The following BDP1 variants were observed in gnomAD, a reference collection of about 807,000 sequenced individuals.
BDP1 encodes BDP1 general transcription factor IIIB subunit.
In BDP1, 169 loss-of-function variants were observed where a neutral mutation model predicts 266.6. That is an observed-to-expected ratio of 0.63 (90% CI 0.56 to 0.72). The LOEUF (loss-of-function observed/expected upper bound fraction) is 0.72. Ranked by LOEUF, BDP1 falls within the 30% of genes least tolerant of loss-of-function variation. The pLI, the probability that BDP1 is intolerant of heterozygous loss-of-function variation, is 0.00. For missense variants in BDP1, 3,015 were observed against 3,053.8 expected, an observed-to-expected ratio of 0.99 and a Z score of 0.30; for synonymous variants, 1,090 against 1,022.4, an observed-to-expected ratio of 1.07 and a Z score of -1.26.
At chr5:71,522,970 A>T (rs1348384214) in intron 24 of BDP1, 21 bp downstream of exon 24, 3 of 1,536,702 alleles carry the variant, frequency 2.0e-6, no homozygotes, top group Non-Finnish European at 2.6e-6. Flanking sequence ...ATTTAACAAA[A>T]TGTTTCACAA....
intron 2 of BDP1, among the ~76,000 whole-genome samples, chr5:71,459,856 G>T (rs1485121038): frequency 6.6e-6 from 1 of 152,204 alleles, no homozygotes; most frequent in Non-Finnish European, 1.5e-5. Flanking sequence ...TGTTTTGAGT[G>T]CCAAAGTGAT....
intron 32 of BDP1, 110 bp downstream of exon 32, chr5:71,545,329 C>T: frequency 9.6e-7 from 1 of 1,036,980 alleles, no homozygotes; most frequent in Non-Finnish European, 1.4e-6. Context: ...CTTCATTTTT[C>T]TTTATTTCTT....
At chr5:71,462,990 GGGCATTGT>G (rs1761673888) in intron 3 of BDP1, among the ~76,000 whole-genome samples, 1 of 151,998 alleles carries the variant, frequency 6.6e-6, no homozygotes, top group East Asian at 1.9e-4. Context: ...AAAATTACCT[GGGCATTGT>G]GGCGCACAGG....
At chr5:71,521,756 A>G (rs1765507679) in intron 22 of BDP1, among the ~76,000 whole-genome samples, 1 of 152,204 alleles carries the variant, frequency 6.6e-6, no homozygotes, top group Non-Finnish European at 1.5e-5. Flanking sequence ...TTATATTGAG[A>G]ACCTTATGAC....
chr5:71,486,733 C>A, intron 9 of BDP1, 106 bp downstream of exon 9: 1 of 867,500 alleles, frequency 1.2e-6, no homozygotes, highest in Non-Finnish European at 1.7e-6. Flanking sequence ...TAGTTAAGAT[C>A]ATCAAAGCAT....
At chr5:71,544,288 T>G in intron 30 of BDP1, 69 bp from the exon 31 acceptor site, 3 of 1,420,078 alleles carry the variant, frequency 2.1e-6, no homozygotes, top group Non-Finnish European at 1.9e-6. Context: ...TAAGAGGGCA[T>G]ATGTTTCTAA....
intron 30 of BDP1, 98 bp downstream of exon 30, chr5:71,542,363 T>G (rs1431701828): frequency 3.7e-6 from 4 of 1,077,654 alleles, no homozygotes; most frequent in Non-Finnish European, 5.3e-6. Context: ...TGTTTTAACT[T>G]ACAATAAAAT....
chr5:71,479,705 C>G (rs1031760923), intron 7 of BDP1, among the ~76,000 whole-genome samples: 38 of 151,370 alleles, frequency 2.5e-4, no homozygotes, highest in African/African-American at 4.4e-4. Flanking sequence ...CACCACCACG[C>G]CCGGCTAATT....
rs1763560198 is a variant in BDP1 at position 71,491,052 on chromosome 5, A to G, written c.1561A>G (p.Thr521Ala). The change falls in exon 11 of 39, where the codon ACA (threonine) becomes GCA (alanine). Residue 521 changes from threonine to alanine, a missense_variant. Coordinates refer to ENST00000358731, the MANE Select transcript of BDP1 (RefSeq NM_018429.3). The stretch of plus-strand genomic sequence containing the variant: ...CAGTAAGGAGCAGATGCTTTCCTGC[A>G]CACAAAACATAGATGGCATTGTGGG... ...ECSKEQMLSC[T>A]QNIDGIVGFA... The G allele has an allele frequency of 1.2e-6, 2 of 1,614,030 alleles. No homozygotes were observed. The highest frequency in any genetic ancestry group is 1.7e-6 in the Non-Finnish European group (2 of 1,179,984).
At position 71,455,940 on chromosome 5, in the gene BDP1, C is replaced by T. The variant is rs780405911; in HGVS notation, c.63C>T (p.Gly21=). 5 of 1,612,126 alleles carry T rather than the reference C, an allele frequency of 3.1e-6. No individual in the cohort carries two copies. In the South Asian group the frequency reaches 3.3e-5, roughly 11 times the overall value. The part of the protein sequence containing the change: ...PNVRPGVGAR[G]STASNPQRGR... The stretch of plus-strand genomic sequence containing the variant: ...TCAGGCCTGGTGTAGGCGCCAGGGG[C>T]TCCACAGCTTCCAATCCCCAGCGTG... Residue 21 remains glycine (G), a synonymous_variant, in exon 1 of 39, where the codon GGC becomes GGT. Coordinates refer to ENST00000358731, the MANE Select transcript of BDP1 (RefSeq NM_018429.3).
downstream of BDP1, among the ~76,000 whole-genome samples, chr5:71,571,683 G>A (rs1744268813): frequency 6.6e-6 from 1 of 152,026 alleles, no homozygotes; most frequent in African/African-American, 2.4e-5. Flanking sequence ...TGCCCAGGCT[G>A]GAGGCAATGG....
Position 71,461,896 on chromosome 5 carries a change from T to G in BDP1, c.569T>G (p.Ile190Arg). 1 of 1,578,150 alleles carries G rather than the reference T, an allele frequency of 6.3e-7. No individual in the cohort carries two copies. Among genetic ancestry groups the G allele is most frequent in the Non-Finnish European group, 8.7e-7 (1 of 1,150,962 alleles). ...TCAAAAATGACTATGAGAGACTTCATATATTATCTACCAGATAATAATCCA... is the reference window on the plus strand; with the variant it reads ...TCAAAAATGACTATGAGAGACTTCAGATATTATCTACCAGATAATAATCCA... ...DRSKMTMRDF[I>R]YYLPDNNPMT... is the part of the protein sequence containing the mutation. The change falls in exon 3 of 39, where the codon ATA (isoleucine) becomes AGA (arginine). Residue 190 changes from isoleucine to arginine, a missense_variant. Around this residue, in one of 3 missense-constraint regions of BDP1, gnomAD observed 2,383 missense variants for 2,404.9 expected, o/e 0.99. Coordinates refer to ENST00000358731, the MANE Select transcript of BDP1 (RefSeq NM_018429.3).
At position 71,504,720 on chromosome 5, in the gene BDP1, G is replaced by T; in HGVS notation, c.2341G>T (p.Asp781Tyr). ...TGATTCTTTTCAAAATGTGCAGCCA[G>T]ATGAGCCCAAGGTTCTTAATGAATG... Reference protein sequence around the residue: ...KNDSFQNVQPDEPKVLNECLS... With the variant: ...KNDSFQNVQPYEPKVLNECLS... The change falls in exon 16 of 39, where the codon GAT (aspartate) becomes TAT (tyrosine). Residue 781 changes from aspartate to tyrosine, a missense_variant. By Grantham distance (160) the Asp-to-Tyr change is radical. Around this residue, in one of 3 missense-constraint regions of BDP1, gnomAD observed 2,383 missense variants for 2,404.9 expected, o/e 0.99. Coordinates refer to ENST00000358731, the MANE Select transcript of BDP1 (RefSeq NM_018429.3). 3.1e-6 allele frequency: 5 copies of T among 1,613,752 alleles called. No individual in the cohort carries two copies. The highest frequency in any genetic ancestry group is 4.2e-6 in the Non-Finnish European group (5 of 1,179,794).
intron 2 of BDP1, among the ~76,000 whole-genome samples, chr5:71,459,189 A>G (rs1761386591): frequency 6.6e-6 from 1 of 152,242 alleles, no homozygotes; most frequent in African/African-American, 2.4e-5. Flanking sequence ...AAAGATGTCC[A>G]AGTGATAAGT....
intron 4 of BDP1, among the ~76,000 whole-genome samples, chr5:71,464,632 C>T (rs1264405440): frequency 1.3e-5 from 2 of 151,566 alleles, no homozygotes; most frequent in Non-Finnish European, 2.9e-5. Context: ...GCCTTGACCT[C>T]CTGGGCTCGT....
chr5:71,470,420 C>T lies in BDP1; in HGVS notation c.945C>T (p.Ile315=), dbSNP rs1762168948. ...AAACAGATATGTTTTTTTTAGCCAT[C>T]AGCATGGTAGGAACTGACTTTTCTA... ...NKETDMFFLA[I]SMVGTDFSMI... is the part of the protein sequence containing the mutation. The change falls in exon 7 of 39, where the codon ATC becomes ATT. Residue 315 remains isoleucine (I), a synonymous_variant. Coordinates refer to ENST00000358731, the MANE Select transcript of BDP1 (RefSeq NM_018429.3). The T allele has an allele frequency of 6.2e-7, 1 of 1,608,510 alleles. No individual in the cohort carries two copies. The highest frequency in any genetic ancestry group is 2.2e-5 in the East Asian group (1 of 44,794).
rs919645731 is a variant in BDP1 at position 71,539,211 on chromosome 5, C to T, written c.5929+133C>T. The T allele has an allele frequency of 2.2e-5, 14 of 625,836 alleles. No individual in the cohort carries two copies. In the African/African-American group the frequency reaches 2.5e-4, roughly 11 times the overall value. 38.8% of individuals were successfully genotyped at this position (625,836 alleles called of 1,614,324 possible). A position where few individuals can be genotyped will look rare whatever the true frequency, so the allele number is the denominator to read the frequency against. On this transcript the variant is annotated intron_variant, in intron 27 of 38. Coordinates refer to ENST00000358731, the MANE Select transcript of BDP1 (RefSeq NM_018429.3). The stretch of plus-strand genomic sequence containing the variant: ...GATTCAGCTATTGAATGTGTTGTCT[C>T]TGTGAGAAATGTGGATTCTTGGAAT...
chr5:71,534,007 G>C (rs1041977322), intron 26 of BDP1, among the ~76,000 whole-genome samples: 2 of 152,112 alleles, frequency 1.3e-5, no homozygotes, highest in Non-Finnish European at 2.9e-5. Flanking sequence ...TGCTTAGCAG[G>C]TATATGATTT....
At chr5:71,523,152 C>G (rs1765596345) in intron 24 of BDP1, among the ~76,000 whole-genome samples, 1 of 151,996 alleles carries the variant, frequency 6.6e-6, no homozygotes, top group Non-Finnish European at 1.5e-5. Context: ...TAAAGAATAC[C>G]CTACTTCTAT....
Sources: gnomAD v4.1 joint callset for allele counts (sites outside exome capture counted in the v4.1 genomes callset) on GRCh38, gnomAD v4.1.1 for gene constraint, gnomAD v4.1.1 regional missense constraint, MANE v1.5 for transcripts, NCBI Gene and HGNC (gene_info 2026-07-23, HGNC 2026-07-21) for gene names.